Variants in SEC14L1 observed in about 807,000 individuals in gnomAD.
The protein encoded by SEC14L1 is SEC14-like protein 1.
SEC14L1 carries 48 observed loss-of-function variants against 85.3 expected under a neutral mutation model. The ratio of observed to expected loss-of-function variants is 0.56; its 90% CI spans 0.45 to 0.72. The LOEUF (loss-of-function observed/expected upper bound fraction) is 0.72, where lower values mean the gene tolerates loss of function less well. Among genes scored for constraint, SEC14L1 ranks in the 30% least tolerant of loss-of-function variants. The pLI is 0.00. For missense variants in SEC14L1, 682 were observed against 921.4 expected, an observed-to-expected ratio of 0.74 and a Z score of 3.36; for synonymous variants, 391 against 355.5, an observed-to-expected ratio of 1.10 and a Z score of -1.12.
chr17:77,105,415 C>T (rs1971892164), intron 3 of SEC14L1, among the ~76,000 whole-genome samples: 1 of 134,960 alleles, frequency 7.4e-6, no homozygotes, highest in South Asian at 2.5e-4. Context: ...AAGGAGGTCC[C>T]ATTTGCAAAG....
chr17:77,183,842 T>C (rs1476048181), intron 3 of SEC14L1, among the ~76,000 whole-genome samples: 1 of 152,106 alleles, frequency 6.6e-6, no homozygotes, highest in Non-Finnish European at 1.5e-5. Flanking sequence ...CATTTTTTTT[T>C]TCGTTTAAGC....
chr17:77,123,199 G>A (rs547517137), intron 3 of SEC14L1, among the ~76,000 whole-genome samples: 2 of 150,678 alleles, frequency 1.3e-5, no homozygotes, highest in Non-Finnish European at 3.0e-5. Flanking sequence ...ACAGGTGCTC[G>A]CCACCATGCC....
At chr17:77,169,205 G>C (rs117607004) in intron 3 of SEC14L1, among the ~76,000 whole-genome samples, 2,243 of 152,080 alleles carry the variant, frequency 0.015, 23 homozygotes, top group South Asian at 0.046. Context: ...GTAAGCTCTT[G>C]GGAAGGCTTG....
At chr17:77,146,556 T>A (rs2143539708) in intron 3 of SEC14L1, among the ~76,000 whole-genome samples, 1 of 152,324 alleles carries the variant, frequency 6.6e-6, no homozygotes, top group East Asian at 1.9e-4. Flanking sequence ...TTAAAACTAT[T>A]GTTCTGAGGT....
rs1976912852 is a variant in SEC14L1, at chr17:77,214,001, C to G, written c.2126C>G (p.Ser709Cys). 3 of 1,613,058 alleles carry G rather than the reference C, an allele frequency of 1.9e-6. No homozygotes were observed. Among genetic ancestry groups the G allele is most frequent in the Non-Finnish European group, 2.5e-6 (3 of 1,179,976 alleles). ...ACCACCTCCTCCAGCCAGTCCCACT[C>G]CAGCTCCATGATCTCCAGGTAGTGC... ...AATTSSSQSH[S>C]SSMISR Residue 709 changes from serine (S) to cysteine (C), a missense_variant, in exon 17 of 17, where the codon TCC becomes TGC. By Grantham distance (112) the Ser-to-Cys change is moderately radical. Transcript: ENST00000436233.
intron 3 of SEC14L1, among the ~76,000 whole-genome samples, chr17:77,184,339 C>T (rs889983613): frequency 6.6e-6 from 1 of 152,146 alleles, no homozygotes; most frequent in African/African-American, 2.4e-5. Context: ...TTCTGAATGC[C>T]TTACGTTAGC....
chr17:77,139,470 G>A (rs1008213046), upstream of SEC14L1, among the ~76,000 whole-genome samples: 2 of 149,024 alleles, frequency 1.3e-5, no homozygotes, highest in African/African-American at 5.0e-5. Flanking sequence ...CCGCAACGGC[G>A]TTAAAGCGTC....
chr17:77,189,257 A>G (rs1223826465), intron 3 of SEC14L1, among the ~76,000 whole-genome samples: 2 of 152,162 alleles, frequency 1.3e-5, no homozygotes, highest in African/African-American at 4.8e-5. Flanking sequence ...GAGAACAGAG[A>G]GCAGATGGGT....
At chr17:77,105,326 C>T (rs966336843) in intron 3 of SEC14L1, among the ~76,000 whole-genome samples, 12 of 149,892 alleles carry the variant, frequency 8.0e-5, no homozygotes, top group African/African-American at 2.7e-4. Flanking sequence ...GGTCAGTGTT[C>T]GTGAACAAGA....
chr17:77,215,627 G>A lies in SEC14L1; in HGVS notation c.*1604G>A. ...GTAGACGTCCCAGGGCCTGTGCTGT[G>A]ATCACCTGCCTTTGGACCACATTTG... On this transcript the variant is annotated 3_prime_UTR_variant, in exon 17 of 17. Transcript: ENST00000436233. The A allele has an allele frequency of 1.0e-6, 1 of 990,386 alleles. No homozygotes were observed. Among genetic ancestry groups the A allele is most frequent in the Non-Finnish European group, 1.2e-6 (1 of 832,156 alleles). The allele number at this position is 990,386 out of a possible 1,614,324, so 61.3% of individuals were successfully genotyped here.
At chr17:77,192,317 G>A (rs576466085) in intron 5 of SEC14L1, among the ~76,000 whole-genome samples, 1 of 152,258 alleles carries the variant, frequency 6.6e-6, no homozygotes, top group South Asian at 2.1e-4. Context: ...CCCCTGCAGT[G>A]TATCCTTAAC....
rs1207412666 is a variant in SEC14L1 at position 77,216,513 on chromosome 17, G to T, written c.*2490G>T. 6.2e-7 allele frequency: 1 copy of T among 1,612,970 alleles called. No individual in the cohort carries two copies. The highest frequency in any genetic ancestry group is 8.5e-7 in the Non-Finnish European group (1 of 1,179,350). On this transcript the variant is annotated 3_prime_UTR_variant, in exon 17 of 17. Transcript: ENST00000436233. ...CCCAAATCACAAGGGCCTGAAGGTG[G>T]TCCCTGCTTTCTCTTTCTCTTTCTC...
rs1417564324 is a variant in SEC14L1, at chr17:77,089,681, C to A, written c.-240+410C>A. 8.9e-6 allele frequency: 3 copies of A among 338,354 alleles called. No individual in the cohort carries two copies. In the Admixed American group the frequency reaches 1.3e-4, roughly 14 times the overall value. The allele number at this position is 338,354 out of a possible 1,614,324, so 21.0% of individuals were successfully genotyped here. ...CATGGCCCTTGTTCTCTGGGAACTA[C>A]AACCCAGTTAGGGAGACAAGGTTAA... On this transcript the variant is annotated intron_variant, in intron 2 of 19. Transcript: ENST00000392476.
intron 3 of SEC14L1, among the ~76,000 whole-genome samples, chr17:77,161,425 G>A (rs1974047325): frequency 6.6e-6 from 1 of 152,168 alleles, no homozygotes; most frequent in Non-Finnish European, 1.5e-5. Context: ...GGATGGGGGT[G>A]GGATGGAGGT....
intron 3 of SEC14L1, among the ~76,000 whole-genome samples, chr17:77,184,998 TGTATGCTGACA>T (rs916186352): frequency 4.6e-5 from 7 of 152,218 alleles, no homozygotes; most frequent in African/African-American, 1.7e-4. Flanking sequence ...GTTAGAATTG[TGTATGCTGACA>T]GTATGCAGAA....
chr17:77,113,646 T>G (rs1972099264), intron 3 of SEC14L1, among the ~76,000 whole-genome samples: 1 of 152,116 alleles, frequency 6.6e-6, no homozygotes, highest in Non-Finnish European at 1.5e-5. Context: ...TTCAAAAGGC[T>G]GAGGCACGAG....
At chr17:77,210,200 C>G (rs1460814209) in intron 14 of SEC14L1, 1 of 152,200 alleles carries the variant, frequency 6.6e-6, no homozygotes, top group Non-Finnish European at 1.5e-5. Context: ...TGGGGATTTT[C>G]CGATTTCTGT....
At chr17:77,173,576 T>C (rs1260340592) in intron 3 of SEC14L1, among the ~76,000 whole-genome samples, 1 of 152,158 alleles carries the variant, frequency 6.6e-6, no homozygotes, top group African/African-American at 2.4e-5. Context: ...GCGTATCTCC[T>C]CCTGAGGGAC....
intron 3 of SEC14L1, among the ~76,000 whole-genome samples, chr17:77,162,260 G>A (rs562884505): frequency 7.4e-4 from 113 of 152,036 alleles, no homozygotes; most frequent in East Asian, 9.6e-4. Flanking sequence ...ACTTAAAGGC[G>A]TTCAGTCATA....
Sources: gnomAD v4.1 joint callset for allele counts (sites outside exome capture counted in the v4.1 genomes callset) on GRCh38, gnomAD v4.1.1 for gene constraint, MANE v1.5 for transcripts, NCBI Gene and HGNC (gene_info 2026-07-23, HGNC 2026-07-21) for gene names.